The following FLT1 variants were observed in gnomAD, a reference collection of about 807,000 sequenced individuals.
The protein encoded by FLT1 is vascular endothelial growth factor receptor 1.
Under a neutral mutation model 156.3 loss-of-function variants are expected in FLT1, and 49 were observed. That is an observed-to-expected ratio of 0.31 (90% CI 0.25 to 0.40). FLT1 has a LOEUF of 0.40. Ranked by LOEUF, FLT1 falls within the 10% of genes least tolerant of loss-of-function variation. The probability of loss-of-function intolerance (pLI) is 1.00; values close to 1 mark genes in which losing one functional copy is unlikely to be tolerated. For missense variants in FLT1, 1,322 were observed against 1,637.2 expected (o/e 0.81, Z 3.32); for synonymous variants, 594 against 583.8 (o/e 1.02, Z -0.25).
chr13:28,428,477 A>T (rs1877480132), intron 8 of FLT1, among the ~76,000 whole-genome samples: 1 of 96,924 alleles, frequency 1.0e-5, no homozygotes, highest in African/African-American at 2.9e-5. Context: ...AAGGCACAGA[A>T]AAAAAAAAAA....
At chr13:28,391,866 G>A (rs192803708) in intron 12 of FLT1, among the ~76,000 whole-genome samples, 107 of 152,060 alleles carry the variant, frequency 7.0e-4, no homozygotes, top group East Asian at 2.1e-3. Flanking sequence ...AAAGTCTGCC[G>A]GCCCTGAACT....
chr13:28,364,556 C>T (rs541388840), intron 14 of FLT1, among the ~76,000 whole-genome samples: 11 of 152,182 alleles, frequency 7.2e-5, no homozygotes, highest in African/African-American at 2.6e-4. Context: ...TTTGTGTTTT[C>T]TTATTTAGGT....
chr13:28,390,593 C>CA (rs1874652069), intron 12 of FLT1, among the ~76,000 whole-genome samples: 1 of 152,142 alleles, frequency 6.6e-6, no homozygotes, highest in Non-Finnish European at 1.5e-5. Flanking sequence ...GGTGATATTT[C>CA]ACCATGTTGG....
At chr13:28,421,910 C>A (rs1234270894) in intron 10 of FLT1, among the ~76,000 whole-genome samples, 1 of 152,202 alleles carries the variant, frequency 6.6e-6, no homozygotes, top group East Asian at 1.9e-4. Flanking sequence ...GCCAAGGTCA[C>A]ACAGAAGTCA....
chr13:28,467,197 G>T, intron 2 of FLT1, 68 bp from the exon 3 acceptor site: 2 of 1,196,448 alleles, frequency 1.7e-6, no homozygotes, highest in Non-Finnish European at 2.5e-6. Flanking sequence ...CAGTTCCTCA[G>T]CATTCATTTT....
intron 1 of FLT1, among the ~76,000 whole-genome samples, chr13:28,490,916 C>T (rs1275845672): frequency 1.3e-5 from 2 of 152,236 alleles, no homozygotes; most frequent in East Asian, 3.8e-4. Flanking sequence ...CTAACACCAG[C>T]AGGCTTCGCA....
chr13:28,396,455 C>G (rs952220636), intron 12 of FLT1, among the ~76,000 whole-genome samples: 1 of 152,044 alleles, frequency 6.6e-6, no homozygotes, highest in African/African-American at 2.4e-5. Flanking sequence ...TTCTTAAATG[C>G]TATCAAAAAA....
chr13:28,313,936 C>T (rs1042474956), intron 25 of FLT1, among the ~76,000 whole-genome samples: 5 of 151,058 alleles, frequency 3.3e-5, no homozygotes, highest in South Asian at 4.2e-4. Flanking sequence ...GTGGCTCACA[C>T]CTGTAGTCCC....
chr13:28,319,957 A>G (rs1447302463), intron 23 of FLT1, among the ~76,000 whole-genome samples: 1 of 152,220 alleles, frequency 6.6e-6, no homozygotes, highest in Non-Finnish European at 1.5e-5. Context: ...ATTCCTATGC[A>G]AAAAGACAAG....
chr13:28,334,184 G>T, intron 17 of FLT1, 55 bp from the exon 18 acceptor site: 1 of 1,146,864 alleles, frequency 8.7e-7, no homozygotes, highest in Non-Finnish European at 1.3e-6. Context: ...GTGAGTTTAA[G>T]TCTTTTTCAG....
chr13:28,429,315 C>T (rs1877536566), intron 8 of FLT1, among the ~76,000 whole-genome samples: 1 of 152,108 alleles, frequency 6.6e-6, no homozygotes, highest in Non-Finnish European at 1.5e-5. Flanking sequence ...GCGCCACATC[C>T]CTATTGTATG....
Position 28,322,861 on chromosome 13 carries a change from G to A in FLT1, c.2882C>T (p.Thr961Ile), listed in dbSNP as rs1871524509. Reference protein sequence around the residue: ...QGKKPRLDSVTSSESFASSGF... With the variant: ...QGKKPRLDSVISSESFASSGF... Reference sequence around the variant, plus strand: ...GGAGCTCGCAAAGCTTTCGCTGCTGGTGACGCTATCTAGTCTTGGTTTCTT... The same window carrying A: ...GGAGCTCGCAAAGCTTTCGCTGCTGATGACGCTATCTAGTCTTGGTTTCTT... The change falls in exon 21 of 30, where the codon ACC becomes ATC. Residue 961 changes from threonine to isoleucine, a missense_variant. Thr to Ile is a moderately conservative substitution (Grantham distance 89). Coordinates refer to ENST00000282397, the MANE Select transcript of FLT1 (RefSeq NM_002019.4). The surrounding 1 kb of genome is among the most constrained non-coding windows in gnomAD (Gnocchi z 4.3). The A allele has an allele frequency of 3.1e-6, 5 of 1,614,108 alleles. No individual in the cohort carries two copies. The highest frequency in any genetic ancestry group is 1.3e-5 in the African/African-American group (1 of 75,018).
At chr13:28,428,475 G>GAA (rs66872828) in intron 8 of FLT1, among the ~76,000 whole-genome samples, 2,852 of 143,792 alleles carry the variant, frequency 0.02, 95 homozygotes, top group African/African-American at 0.069. Context: ...TTAAGGCACA[G>GAA]AAAAAAAAAA....
chr13:28,421,537 T>C (rs553696364), intron 10 of FLT1, among the ~76,000 whole-genome samples: 1 of 152,098 alleles, frequency 6.6e-6, no homozygotes, highest in East Asian at 1.9e-4. Flanking sequence ...TGCTGCACTT[T>C]TTTTTTTCCT....
chr13:28,406,583 CAT>C (rs546294011), intron 10 of FLT1, among the ~76,000 whole-genome samples: 87 of 152,106 alleles, frequency 5.7e-4, no homozygotes, highest in African/African-American at 1.9e-3. Context: ...CTAATTTGCA[CAT>C]GTCTTGGGCA....
chr13:28,323,033 G>A, intron 20 of FLT1, 87 bp from the exon 21 acceptor site: 2 of 1,368,628 alleles, frequency 1.5e-6, no homozygotes, highest in Non-Finnish European at 2.1e-6. Flanking sequence ...ATCGCCTGAT[G>A]AGAAATGAGA....
At position 28,312,072 on chromosome 13, in the gene FLT1, T is replaced by C. The variant is rs767803039; in HGVS notation, c.3413A>G (p.His1138Arg). The stretch of plus-strand genomic sequence containing the variant: ...TCTTGGCCTTTCTTTTGGGTCTCTG[T>C]GCCAGCAGTCCAGCATGATCTGATA... ...EIYQIMLDCW[H>R]RDPKERPRFA... The change falls in exon 26 of 30, where the codon CAC becomes CGC. Residue 1138 changes from histidine to arginine, a missense_variant. Physicochemically the swap from His to Arg is conservative, Grantham distance 29. Transcript: ENST00000282397. 4.3e-6 allele frequency: 7 copies of C among 1,613,762 alleles called. No individual in the cohort carries two copies. In the South Asian group the frequency reaches 7.7e-5, roughly 18 times the overall value.
chr13:28,452,320 G>A (rs1209632361), intron 3 of FLT1, among the ~76,000 whole-genome samples: 1 of 152,164 alleles, frequency 6.6e-6, no homozygotes, highest in Non-Finnish European at 1.5e-5. Flanking sequence ...CTTAAACATG[G>A]TATTGAATTT....
Position 28,467,142 on chromosome 13 carries a change from A to T in FLT1, c.162-13T>A. ...GGCTGCTTCCCCCCTGCAATCACAG[A>T]TAAGAAAACAAAACATATTTATGGC... is the stretch of plus-strand genomic sequence containing the variant. On this transcript the variant is annotated splice_polypyrimidine_tract_variant and intron_variant, in intron 2 of 29. Transcript: ENST00000282397. 2.5e-6 allele frequency: 4 copies of T among 1,598,134 alleles called. No homozygotes were observed. Among genetic ancestry groups the T allele is most frequent in the Non-Finnish European group, 3.4e-6 (4 of 1,166,912 alleles).
Sources: gnomAD v4.1 joint callset for allele counts (sites outside exome capture counted in the v4.1 genomes callset) on GRCh38, gnomAD v4.1.1 for gene constraint, Gnocchi (gnomAD v3.1) non-coding constraint, MANE v1.5 for transcripts, NCBI Gene and HGNC (gene_info 2026-07-23, HGNC 2026-07-21) for gene names.